FGF10: variants seen among roughly 807,000 people sequenced by gnomAD.
The protein encoded by FGF10 is fibroblast growth factor 10.
A neutral mutation model predicts 19.8 loss-of-function variants in FGF10; 2 were observed. That is an observed-to-expected ratio of 0.10 (90% CI 0.04 to 0.32). FGF10 has a LOEUF of 0.32. Among genes scored for constraint, FGF10 ranks in the 10% least tolerant of loss-of-function variants. The pLI is 1.00. For synonymous variants in FGF10, 112 were observed against 94.0 expected (o/e 1.19, Z -1.10); for missense variants, 191 against 246.3 (o/e 0.78, Z 1.50).
chr5:44,347,407 A>G (rs992525841), intron 1 of FGF10, among the ~76,000 whole-genome samples: 2 of 151,714 alleles, frequency 1.3e-5, no homozygotes, highest in Non-Finnish European at 2.9e-5. Context: ...ACTTTTGCCT[A>G]GTCTGGCTCT....
At position 44,345,071 on chromosome 5, in the gene FGF10, A is replaced by G. The variant is rs534050223; in HGVS notation, c.326-34541T>C. On this transcript the variant is annotated intron_variant, in intron 1 of 2. Coordinates refer to ENST00000264664, the MANE Select transcript of FGF10 (RefSeq NM_004465.2). ...TTATGTATATACACTATTTTCAAAT[A>G]TATTTGGATATTTTTAGTGACAAAA... Among the ~76,000 whole-genome samples the G allele has an allele frequency of 1.1e-3, 171 of 152,040 alleles. 1 individual carries two copies. The highest frequency in any genetic ancestry group is 4.1e-3 in the African/African-American group (169 of 41,526).
Position 44,310,526 on chromosome 5 carries a change from G to A in FGF10, c.330C>T (p.Ile110=). The change falls in exon 2 of 3, where the codon ATC becomes ATT. Residue 110 remains isoleucine (I), a synonymous_variant. Transcript: ENST00000264664. ...GTKKENCPYS[I]LEITSVEIGV... ...CGATTTCTACTGATGTTATCTCCAG[G>A]ATGCCTAAAACATACAATTTTAAAA... 6.2e-7 allele frequency: 1 copy of A among 1,606,026 alleles called. No individual in the cohort carries two copies. The highest frequency in any genetic ancestry group is 8.5e-7 in the Non-Finnish European group (1 of 1,173,322).
At chr5:44,337,952 G>T (rs1426670421) in intron 1 of FGF10, among the ~76,000 whole-genome samples, 1 of 151,838 alleles carries the variant, frequency 6.6e-6, no homozygotes, top group Non-Finnish European at 1.5e-5. Context: ...AAAAAAAAAT[G>T]CATATTACAA....
chr5:44,384,834 C>T (rs116746992), intron 1 of FGF10, among the ~76,000 whole-genome samples: 2 of 152,066 alleles, frequency 1.3e-5, no homozygotes, highest in Non-Finnish European at 2.9e-5. Flanking sequence ...GGCCCAGGAG[C>T]CTTTTTTGTG....
At chr5:44,370,090 C>G (rs755318999) in intron 1 of FGF10, among the ~76,000 whole-genome samples, 1 of 152,092 alleles carries the variant, frequency 6.6e-6, no homozygotes, top group Non-Finnish European at 1.5e-5. Flanking sequence ...TTTGAGCAAG[C>G]ACACTAGTTC....
At chr5:44,374,938 T>C (rs2111895677) in intron 1 of FGF10, among the ~76,000 whole-genome samples, 1 of 152,322 alleles carries the variant, frequency 6.6e-6, no homozygotes. Context: ...GTCTCTTAAA[T>C]AATGATAGCC....
intron 1 of FGF10, among the ~76,000 whole-genome samples, chr5:44,344,738 G>A (rs951680496): frequency 2.0e-5 from 3 of 151,494 alleles, no homozygotes; most frequent in Admixed American, 6.6e-5. Context: ...CTAAGTTTCA[G>A]CATTGTTATG....
intron 2 of FGF10, among the ~76,000 whole-genome samples, chr5:44,307,455 T>G (rs933305284): frequency 1.3e-5 from 2 of 152,128 alleles, no homozygotes; most frequent in African/African-American, 4.8e-5. Flanking sequence ...TATACTTTAT[T>G]TACTGAATCC....
chr5:44,358,765 G>C (rs1561213595), intron 1 of FGF10, among the ~76,000 whole-genome samples: 1 of 151,460 alleles, frequency 6.6e-6, no homozygotes, highest in Non-Finnish European at 1.5e-5. Context: ...CAGACATGTA[G>C]ACAGTAAGAA....
At chr5:44,386,010 C>A (rs1742089089) in intron 1 of FGF10, among the ~76,000 whole-genome samples, 1 of 152,058 alleles carries the variant, frequency 6.6e-6, no homozygotes, top group African/African-American at 2.4e-5. Context: ...ATTGCATTAC[C>A]ATATAAGATA....
intron 1 of FGF10, among the ~76,000 whole-genome samples, chr5:44,362,009 T>C (rs2111855592): frequency 6.6e-6 from 1 of 151,666 alleles, no homozygotes; most frequent in East Asian, 2.0e-4. Flanking sequence ...CTGCTTCTAT[T>C]CCCTGAAGAT....
intron 1 of FGF10, among the ~76,000 whole-genome samples, chr5:44,373,470 GA>G (rs1200631918): frequency 6.6e-6 from 1 of 152,090 alleles, no homozygotes; most frequent in Non-Finnish European, 1.5e-5. Flanking sequence ...TAAACAGGAA[GA>G]AGAAACCAGG....
intron 1 of FGF10, among the ~76,000 whole-genome samples, chr5:44,371,977 A>T (rs1412506063): frequency 6.6e-6 from 1 of 152,166 alleles, no homozygotes; most frequent in Non-Finnish European, 1.5e-5. Flanking sequence ...TTGTCAAATT[A>T]TCCTTAATTT....
intron 1 of FGF10, among the ~76,000 whole-genome samples, chr5:44,320,402 C>T (rs1403120901): frequency 6.6e-6 from 1 of 152,242 alleles, no homozygotes; most frequent in East Asian, 1.9e-4. Context: ...CTCAAGCTAA[C>T]CCAGCCAAAA....
intron 1 of FGF10, among the ~76,000 whole-genome samples, chr5:44,321,702 A>C (rs914984153): frequency 6.6e-6 from 1 of 152,346 alleles, no homozygotes; most frequent in Middle Eastern, 3.4e-3. Flanking sequence ...ACATTAAAGT[A>C]CATGCTCTTA....
chr5:44,312,390 C>T (rs1285558267), intron 1 of FGF10, among the ~76,000 whole-genome samples: 1 of 152,080 alleles, frequency 6.6e-6, no homozygotes, highest in Non-Finnish European at 1.5e-5. Context: ...GATGTTAACA[C>T]TTAAGCCTCT....
chr5:44,345,251 G>A (rs1266875476), intron 1 of FGF10, among the ~76,000 whole-genome samples: 1 of 151,646 alleles, frequency 6.6e-6, no homozygotes, highest in Non-Finnish European at 1.5e-5. Flanking sequence ...AATATAGAAT[G>A]AGAAAATGGG....
intron 1 of FGF10, among the ~76,000 whole-genome samples, chr5:44,327,808 C>T (rs1561202756): frequency 6.6e-6 from 1 of 152,190 alleles, no homozygotes; most frequent in Non-Finnish European, 1.5e-5. Context: ...ACAACCATTT[C>T]ACACCCTTCC....
intron 1 of FGF10, among the ~76,000 whole-genome samples, chr5:44,328,528 C>A (rs1312459275): frequency 2.6e-5 from 4 of 152,116 alleles, no homozygotes; most frequent in Non-Finnish European, 5.9e-5. Flanking sequence ...GAAGCCAATG[C>A]AGGAGGATTG....
Sources: allele counts gnomAD v4.1 joint callset (sites outside exome capture counted in the v4.1 genomes callset), GRCh38; gene constraint gnomAD v4.1.1; transcripts MANE v1.5; gene names NCBI Gene and HGNC (gene_info 2026-07-23, HGNC 2026-07-21).